Variants in FAM110B observed in about 807,000 individuals in gnomAD.
FAM110B encodes family with sequence similarity 110 member B.
In FAM110B, 6 loss-of-function variants were observed where a neutral mutation model predicts 20.4. The observed-to-expected ratio is 0.29, with a 90% confidence interval of 0.16 to 0.58. The LOEUF (loss-of-function observed/expected upper bound fraction) is 0.58. FAM110B is among the 20% of genes least tolerant of loss of function. FAM110B has a pLI of 0.90. For synonymous variants in FAM110B, 226 were observed against 214.1 expected, an observed-to-expected ratio of 1.06 and a Z score of -0.49; for missense variants, 434 against 498.2, an observed-to-expected ratio of 0.87 and a Z score of 1.23.
intron 3 of FAM110B, among the ~76,000 whole-genome samples, chr8:58,109,149 C>A (rs529013060): frequency 7.9e-5 from 12 of 152,290 alleles, no homozygotes; most frequent in Non-Finnish European, 1.6e-4. Context: ...GGAACTCTTA[C>A]GTGTCTTATC....
At chr8:57,998,206 T>TGTTA (rs1804222923) in intron 1 of FAM110B, among the ~76,000 whole-genome samples, 1 of 152,224 alleles carries the variant, frequency 6.6e-6, no homozygotes, top group Admixed American at 6.5e-5. Context: ...CACAATACCT[T>TGTTA]GTTAAAGATC....
At chr8:58,125,749 CTT>C (rs1379254638) in intron 3 of FAM110B, among the ~76,000 whole-genome samples, 1 of 152,104 alleles carries the variant, frequency 6.6e-6, no homozygotes, top group Admixed American at 6.6e-5. Flanking sequence ...ATTTTAACCT[CTT>C]GTTATTTTTT....
At chr8:58,077,625 TG>T (rs1806070642) in intron 3 of FAM110B, among the ~76,000 whole-genome samples, 1 of 152,112 alleles carries the variant, frequency 6.6e-6, no homozygotes, top group Non-Finnish European at 1.5e-5. Context: ...AGCAAGGCAG[TG>T]GGGGTATAGG....
chr8:58,034,091 G>A (rs28550347), intron 2 of FAM110B, among the ~76,000 whole-genome samples: 9,950 of 152,226 alleles, frequency 0.065, 408 homozygotes, highest in East Asian at 0.17. Context: ...AACAAAATCA[G>A]TAGTCCAGAG....
intron 1 of FAM110B, among the ~76,000 whole-genome samples, chr8:58,026,521 T>C (rs1449019520): frequency 6.6e-6 from 1 of 152,166 alleles, no homozygotes; most frequent in Non-Finnish European, 1.5e-5. Flanking sequence ...ATTTTAGTCA[T>C]TATCAACCTT....
rs544035736 is a variant in FAM110B at position 58,029,740 on chromosome 8, C to T, written c.-511-1866C>T. 2.0e-5 allele frequency among the ~76,000 whole-genome samples: 3 copies of T among 152,276 alleles called. No individual in the cohort carries two copies. In the East Asian group the frequency reaches 5.8e-4, roughly 29 times the overall value. On this transcript the variant is annotated intron_variant, in intron 1 of 3. Transcript: ENST00000519262. ...TCTTTTTCTCATCTGTGAAATGAGT[C>T]AACTGGAGCAGATGACCGTATGATC...
intron 2 of FAM110B, among the ~76,000 whole-genome samples, chr8:58,054,445 A>G (rs186355855): frequency 5.3e-5 from 8 of 152,342 alleles, no homozygotes; most frequent in Admixed American, 3.3e-4. Flanking sequence ...CTTCTCCCTA[A>G]TCCTCAGCTT....
intron 3 of FAM110B, chr8:58,091,540 G>T (rs985191839): frequency 6.6e-6 from 1 of 152,130 alleles, no homozygotes. Context: ...CACGTCGGCT[G>T]TAGCTCACAG....
At chr8:58,020,374 A>T (rs1313945963) in intron 1 of FAM110B, among the ~76,000 whole-genome samples, 2 of 152,192 alleles carry the variant, frequency 1.3e-5, no homozygotes, top group East Asian at 3.8e-4. Flanking sequence ...TTTCAGTTTT[A>T]AATTTTTAAA....
At chr8:58,075,270 T>TG (rs56741084) in intron 2 of FAM110B, among the ~76,000 whole-genome samples, 4,819 of 144,544 alleles carry the variant, frequency 0.033, 92 homozygotes, top group African/African-American at 0.057. Context: ...TGCTTTTTTT[T>TG]TTTTTTGTGT....
chr8:58,062,058 A>G (rs763616473), intron 2 of FAM110B, among the ~76,000 whole-genome samples: 2 of 152,188 alleles, frequency 1.3e-5, no homozygotes, highest in Non-Finnish European at 2.9e-5. Flanking sequence ...TTTTTCTGTT[A>G]AAATCATCCA....
chr8:58,047,841 T>A (rs548292667), intron 2 of FAM110B, among the ~76,000 whole-genome samples: 1 of 152,220 alleles, frequency 6.6e-6, no homozygotes, highest in Non-Finnish European at 1.5e-5. Flanking sequence ...ATAGCTTCTT[T>A]ATGTAGGAGT....
rs1354644324 is a variant in FAM110B, at chr8:58,146,204, A to C, written c.-27A>C. On this transcript the variant is annotated 5_prime_UTR_variant, in exon 4 of 4. Transcript: ENST00000519262. The stretch of plus-strand genomic sequence containing the variant: ...GGAGGCGCCCAGAAGAGCATCCAAC[A>C]CGGCTGCCGGGGAAAGACCGCCCAC... 6.4e-7 allele frequency: 1 copy of C among 1,567,872 alleles called. No homozygotes were observed. Among genetic ancestry groups the C allele is most frequent in the East Asian group, 2.3e-5 (1 of 44,360 alleles).
chr8:58,070,913 A>G (rs887946217), intron 2 of FAM110B, among the ~76,000 whole-genome samples: 2 of 152,132 alleles, frequency 1.3e-5, no homozygotes, highest in African/African-American at 2.4e-5. Flanking sequence ...TGTAGTTTTT[A>G]TTAAGCCTTT....
chr8:58,019,144 G>C (rs1184147539), intron 1 of FAM110B, among the ~76,000 whole-genome samples: 4 of 150,940 alleles, frequency 2.7e-5, no homozygotes, highest in African/African-American at 9.8e-5. Context: ...AGACCATCCT[G>C]GCCAACGTGG....
intron 3 of FAM110B, among the ~76,000 whole-genome samples, chr8:58,097,166 C>T (rs943963964): frequency 6.6e-6 from 1 of 152,208 alleles, no homozygotes; most frequent in Non-Finnish European, 1.5e-5. Context: ...TTCCCCATCA[C>T]TTTCAGGTAC....
At chr8:58,121,436 A>G (rs1807358867) in intron 3 of FAM110B, among the ~76,000 whole-genome samples, 1 of 152,196 alleles carries the variant, frequency 6.6e-6, no homozygotes. Flanking sequence ...TGAATCTATG[A>G]AATTTACTCT....
intron 2 of FAM110B, among the ~76,000 whole-genome samples, chr8:58,054,891 G>A (rs1336808134): frequency 6.6e-5 from 10 of 150,906 alleles, no homozygotes; most frequent in Admixed American, 5.3e-4. Flanking sequence ...TTATTTCATA[G>A]CACTTTCTCA....
chr8:58,003,881 C>T (rs1038065658), intron 1 of FAM110B, among the ~76,000 whole-genome samples: 1 of 152,184 alleles, frequency 6.6e-6, no homozygotes, highest in Non-Finnish European at 1.5e-5. Flanking sequence ...TTACCAACTG[C>T]ATTAGCTTCT....
Sources: allele counts gnomAD v4.1 joint callset (sites outside exome capture counted in the v4.1 genomes callset), GRCh38; gene constraint gnomAD v4.1.1; transcripts MANE v1.5; gene names NCBI Gene and HGNC (gene_info 2026-07-23, HGNC 2026-07-21).